Variants in CCDC7 observed in about 807,000 individuals in gnomAD.
CCDC7 encodes the protein coiled-coil domain-containing protein 7.
A neutral mutation model predicts 196.9 loss-of-function variants in CCDC7; 183 were observed. The observed-to-expected ratio is 0.93, with a 90% CI of 0.82 to 1.05. The LOEUF is 1.05. Among genes scored for constraint, CCDC7 ranks in the 50% least tolerant of loss-of-function variants. The pLI is 0.00. For synonymous variants in CCDC7, 525 were observed against 484.6 expected, an observed-to-expected ratio of 1.08 and a Z score of -1.10; for missense variants, 1,540 against 1,482.2, an observed-to-expected ratio of 1.04 and a Z score of -0.64.
chr10:32,845,427 G>T (rs1593380233), intron 34 of CCDC7, 101 bp downstream of exon 35: 1 of 1,200,686 alleles, frequency 8.3e-7, no homozygotes, highest in Non-Finnish European at 1.2e-6. Context: ...CTATATTATA[G>T]TGTTACATAA....
chr10:32,867,267 AT>A lies in CCDC7; in HGVS notation c.4112-9078del, dbSNP rs567276188. On this transcript the variant is annotated intron_variant, in intron 41 of 41. Coordinates refer to ENST00000639629, the Ensembl canonical transcript of CCDC7. ...TTTGGTAATTGTGTTGTGATGATAT[AT>A]TATCATTTCTTAAGAAATACTAAAG... Among the ~76,000 whole-genome samples the A allele has an allele frequency of 1.6e-4, 24 of 151,772 alleles. No homozygotes were observed. In the South Asian group the frequency reaches 5.0e-3, roughly 32 times the overall value.
At chr10:32,667,518 C>A (rs939775736) in intron 21 of CCDC7, among the ~76,000 whole-genome samples, 1 of 152,142 alleles carries the variant, frequency 6.6e-6, no homozygotes, top group African/African-American at 2.4e-5. Flanking sequence ...ACATTTAAGT[C>A]TTTAATCCAC....
chr10:32,701,921 A>G (rs933417331), intron 24 of CCDC7, among the ~76,000 whole-genome samples: 2 of 151,926 alleles, frequency 1.3e-5, no homozygotes, highest in Non-Finnish European at 2.9e-5. Flanking sequence ...CTTCTTTATT[A>G]GTCTTGCTCT....
intron 9 of CCDC7, among the ~76,000 whole-genome samples, chr10:32,499,591 C>CTT (rs761980746): frequency 5.3e-5 from 7 of 132,948 alleles, no homozygotes; most frequent in Non-Finnish European, 8.1e-5. Flanking sequence ...TTGAATCTTT[C>CTT]TTTTTTATTT....
intron 32 of CCDC7, among the ~76,000 whole-genome samples, chr10:32,827,597 G>A (rs904078488): frequency 6.8e-6 from 1 of 146,154 alleles, no homozygotes; most frequent in African/African-American, 2.5e-5. Flanking sequence ...TGAACAATGA[G>A]AACACATGGA....
chr10:32,863,909 A>ATAAC (rs2094107262), intron 41 of CCDC7, among the ~76,000 whole-genome samples: 1 of 149,204 alleles, frequency 6.7e-6, no homozygotes, highest in South Asian at 2.1e-4. Flanking sequence ...AAATAAATAA[A>ATAAC]TAAGGCTGTG....
intron 29 of CCDC7, among the ~76,000 whole-genome samples, chr10:32,786,366 T>C (rs1447729121): frequency 6.6e-6 from 1 of 152,070 alleles, no homozygotes; most frequent in Admixed American, 6.6e-5. Context: ...CAGGGCATAA[T>C]AAAAAGAAGT....
At chr10:32,444,786 TTTTC>T (rs560716983), upstream of CCDC7, among the ~76,000 whole-genome samples, 170 of 152,182 alleles carry the variant, frequency 1.1e-3, no homozygotes, top group Middle Eastern at 0.014. Context: ...TATATGTACA[TTTTC>T]TTTGTTACTG....
intron 32 of CCDC7, among the ~76,000 whole-genome samples, chr10:32,827,511 A>G (rs964472911): frequency 1.7e-4 from 26 of 152,134 alleles, no homozygotes; most frequent in African/African-American, 3.4e-4. Context: ...CCATCATGGC[A>G]TTGTCTCTGA....
At chr10:32,553,608 T>G (rs1163882559) in intron 13 of CCDC7, among the ~76,000 whole-genome samples, 1 of 152,260 alleles carries the variant, frequency 6.6e-6, no homozygotes, top group South Asian at 2.1e-4. Context: ...CCATGGGGTG[T>G]TCCCTTGATG....
intron 3 of CCDC7, among the ~76,000 whole-genome samples, chr10:32,456,801 G>T (rs1187879439): frequency 6.6e-6 from 1 of 151,880 alleles, no homozygotes; most frequent in African/African-American, 2.4e-5. Flanking sequence ...CAGTGGAATT[G>T]TTGCAATTGT....
chr10:32,670,811 T>G (rs2073918940), intron 21 of CCDC7, among the ~76,000 whole-genome samples: 1 of 152,132 alleles, frequency 6.6e-6, no homozygotes, highest in Admixed American at 6.6e-5. Context: ...CTATTTTGTT[T>G]ATTTCTTCCA....
At chr10:32,565,832 G>A (rs1206850851) in intron 14 of CCDC7, among the ~76,000 whole-genome samples, 2 of 152,058 alleles carry the variant, frequency 1.3e-5, no homozygotes, top group Non-Finnish European at 2.9e-5. Flanking sequence ...ATAAAGAAAA[G>A]TAAACTTTCT....
At chr10:32,835,665 G>A (rs527411572) in intron 33 of CCDC7, among the ~76,000 whole-genome samples, 37 of 152,056 alleles carry the variant, frequency 2.4e-4, no homozygotes, top group African/African-American at 8.4e-4. Flanking sequence ...GGGGAACAAC[G>A]AACACTGGGG....
At chr10:32,619,958 T>A (rs1564847315) in intron 18 of CCDC7, among the ~76,000 whole-genome samples, 3 of 124,618 alleles carry the variant, frequency 2.4e-5, no homozygotes, top group Middle Eastern at 5.1e-3. Flanking sequence ...AGTCTTGCCC[T>A]GTCACCCAGA....
At chr10:32,547,697 G>A (rs1314219797) in intron 13 of CCDC7, among the ~76,000 whole-genome samples, 6 of 152,122 alleles carry the variant, frequency 3.9e-5, no homozygotes, top group African/African-American at 1.2e-4. Context: ...TCACATCAGG[G>A]TAAATGAGTA....
intron 25 of CCDC7, among the ~76,000 whole-genome samples, chr10:32,726,497 T>C (rs760345306): frequency 4.6e-5 from 7 of 152,074 alleles, no homozygotes; most frequent in Non-Finnish European, 1.5e-5. Flanking sequence ...ATAGAAAATA[T>C]ATTTGATGCC....
intron 32 of CCDC7, among the ~76,000 whole-genome samples, chr10:32,825,362 G>A (rs1338367024): frequency 6.6e-6 from 1 of 152,122 alleles, no homozygotes; most frequent in Non-Finnish European, 1.5e-5. Context: ...ATCTGGGTGG[G>A]CACCATCTAA....
At chr10:32,465,150 C>T (rs1438700705) in intron 5 of CCDC7, among the ~76,000 whole-genome samples, 3 of 151,498 alleles carry the variant, frequency 2.0e-5, no homozygotes, top group African/African-American at 7.3e-5. Flanking sequence ...AAACTGGCAC[C>T]TAGTGAAAAG....
Sources: gnomAD v4.1 joint callset for allele counts (sites outside exome capture counted in the v4.1 genomes callset) on GRCh38, gnomAD v4.1.1 for gene constraint, MANE v1.5 for transcripts, NCBI Gene and HGNC (gene_info 2026-07-23, HGNC 2026-07-21) for gene names.